CCSER1: variants seen among roughly 807,000 people sequenced by gnomAD.
CCSER1 encodes coiled-coil serine rich protein 1.
Under a neutral mutation model 82.0 loss-of-function variants are expected in CCSER1, and 41 were observed. That is an observed-to-expected ratio of 0.50 (90% CI 0.39 to 0.65). CCSER1 has a LOEUF of 0.65. Ranked by LOEUF, CCSER1 falls within the 30% of genes least tolerant of loss-of-function variation. CCSER1 has a pLI of 0.00. For missense variants in CCSER1, 1,119 were observed against 1,064.2 expected, an observed-to-expected ratio of 1.05 and a Z score of -0.72; for synonymous variants, 414 against 383.9, an observed-to-expected ratio of 1.08 and a Z score of -0.92.
chr4:90,733,701 A>G lies in CCSER1; in HGVS notation c.2010+9710A>G, dbSNP rs146257845. On this transcript the variant is annotated intron_variant, in intron 7 of 10. Coordinates refer to ENST00000509176, the MANE Select transcript of CCSER1 (RefSeq NM_001145065.2). ...AATCCATTTTGACTTGATATTTTGT[A>G]TATGATCAGAGATAGGGGTCTAGTT... Among the ~76,000 whole-genome samples, 236 of 152,256 alleles carry G rather than the reference A, an allele frequency of 1.6e-3. 1 individual carries two copies. The highest frequency in any genetic ancestry group is 5.5e-3 in the African/African-American group (228 of 41,554).
intron 5 of CCSER1, among the ~76,000 whole-genome samples, chr4:90,521,116 C>G (rs1191364925): frequency 6.6e-6 from 1 of 152,118 alleles, no homozygotes; most frequent in Admixed American, 6.6e-5. Flanking sequence ...ACTCAATTTG[C>G]TTTCTGATTC....
At chr4:90,461,268 T>G (rs1369393799) in intron 4 of CCSER1, among the ~76,000 whole-genome samples, 3 of 142,450 alleles carry the variant, frequency 2.1e-5, no homozygotes, top group African/African-American at 8.6e-5. Flanking sequence ...GGTTTCACCG[T>G]TTTTTAGCCG....
chr4:91,212,761 G>A (rs1012019530), intron 10 of CCSER1, among the ~76,000 whole-genome samples: 6 of 151,944 alleles, frequency 3.9e-5, no homozygotes, highest in Non-Finnish European at 7.4e-5. Context: ...TTAGATGCAG[G>A]AGGTACATGT....
intron 5 of CCSER1, among the ~76,000 whole-genome samples, chr4:90,485,390 ACTGT>A (rs1309668088): frequency 3.9e-5 from 6 of 151,966 alleles, no homozygotes; most frequent in Admixed American, 2.6e-4. Flanking sequence ...TCCTGCACCC[ACTGT>A]CTGGCACTCC....
chr4:90,211,015 A>C (rs1329249912), intron 1 of CCSER1, among the ~76,000 whole-genome samples: 1 of 152,144 alleles, frequency 6.6e-6, no homozygotes, highest in African/African-American at 2.4e-5. Flanking sequence ...TCAACAGTTT[A>C]TATTTCCCTT....
At chr4:90,131,856 C>A (rs543901290) in intron 1 of CCSER1, among the ~76,000 whole-genome samples, 1 of 151,810 alleles carries the variant, frequency 6.6e-6, no homozygotes, top group Non-Finnish European at 1.5e-5. Context: ...TTGTTTTTTT[C>A]TTTGTGTATA....
At chr4:90,511,090 C>T (rs760629857) in intron 5 of CCSER1, among the ~76,000 whole-genome samples, 3 of 152,110 alleles carry the variant, frequency 2.0e-5, no homozygotes, top group African/African-American at 4.8e-5. Flanking sequence ...GAGTAATCAA[C>T]CAACTCAAAT....
At chr4:91,179,850 C>T (rs910522061) in intron 10 of CCSER1, among the ~76,000 whole-genome samples, 13 of 152,208 alleles carry the variant, frequency 8.5e-5, no homozygotes, top group East Asian at 3.9e-4. Context: ...CCATTGCTGG[C>T]GAGGAGCTAC....
intron 8 of CCSER1, among the ~76,000 whole-genome samples, chr4:90,853,507 A>G (rs2149944358): frequency 6.6e-6 from 1 of 152,254 alleles, no homozygotes; most frequent in East Asian, 1.9e-4. Flanking sequence ...GTTATTTTTG[A>G]TCAATATGTT....
chr4:91,176,859 G>A (rs551549013), intron 10 of CCSER1, among the ~76,000 whole-genome samples: 1 of 152,154 alleles, frequency 6.6e-6, no homozygotes, highest in Non-Finnish European at 1.5e-5. Flanking sequence ...ACACTATGTT[G>A]AATAGAAGTG....
chr4:91,467,595 C>G (rs558351568), intron 10 of CCSER1, among the ~76,000 whole-genome samples: 1 of 152,252 alleles, frequency 6.6e-6, no homozygotes, highest in Non-Finnish European at 1.5e-5. Flanking sequence ...TTTTTGCAAT[C>G]TACTCATCTG....
chr4:90,666,135 C>G (rs908883335), intron 6 of CCSER1, among the ~76,000 whole-genome samples: 1 of 152,076 alleles, frequency 6.6e-6, no homozygotes, highest in African/African-American at 2.4e-5. Context: ...TCTGCCACAT[C>G]ACTTCTGACT....
At chr4:91,431,914 C>T (rs921537488) in intron 10 of CCSER1, among the ~76,000 whole-genome samples, 2 of 151,594 alleles carry the variant, frequency 1.3e-5, no homozygotes, top group African/African-American at 4.9e-5. Context: ...ATACTTTTTC[C>T]ATTGTATAGA....
intron 7 of CCSER1, among the ~76,000 whole-genome samples, chr4:90,765,387 G>A (rs754469828): frequency 1.3e-5 from 2 of 151,916 alleles, no homozygotes; most frequent in South Asian, 2.1e-4. Context: ...GCCTCCTTGG[G>A]GAGCATCCTA....
intron 8 of CCSER1, among the ~76,000 whole-genome samples, chr4:90,922,755 G>C (rs1728562658): frequency 6.6e-6 from 1 of 152,032 alleles, no homozygotes; most frequent in South Asian, 2.1e-4. Flanking sequence ...GAATGAGAAG[G>C]GAAGGTCCCA....
intron 1 of CCSER1, among the ~76,000 whole-genome samples, chr4:90,246,833 A>G (rs1210251857): frequency 6.6e-6 from 1 of 152,114 alleles, no homozygotes; most frequent in East Asian, 1.9e-4. Flanking sequence ...ATCTTATTGT[A>G]CTGTTGATCT....
At chr4:90,829,751 G>T (rs1329429517) in intron 8 of CCSER1, among the ~76,000 whole-genome samples, 1 of 152,178 alleles carries the variant, frequency 6.6e-6, no homozygotes, top group African/African-American at 2.4e-5. Flanking sequence ...AGCAAAAAAA[G>T]AGATCTTTAA....
chr4:90,315,138 C>T (rs762807665), intron 3 of CCSER1, among the ~76,000 whole-genome samples: 9 of 152,098 alleles, frequency 5.9e-5, no homozygotes, highest in Non-Finnish European at 4.4e-5. Context: ...GCGTGAGCCA[C>T]CACGCTCAGC....
intron 10 of CCSER1, among the ~76,000 whole-genome samples, chr4:91,421,024 C>A (rs543792109): frequency 6.6e-6 from 1 of 151,978 alleles, no homozygotes; most frequent in Non-Finnish European, 1.5e-5. Flanking sequence ...AGAAGCAGAG[C>A]GTAGAATTGT....
Sources: allele counts gnomAD v4.1 joint callset (sites outside exome capture counted in the v4.1 genomes callset), GRCh38; gene constraint gnomAD v4.1.1; transcripts MANE v1.5; gene names NCBI Gene and HGNC (gene_info 2026-07-23, HGNC 2026-07-21).